The following DENND2B variants were observed in gnomAD, a reference collection of about 807,000 sequenced individuals.
DENND2B encodes the protein DENN domain-containing protein 2B.
In DENND2B, 32 loss-of-function variants were observed where a neutral mutation model predicts 116.0. That is an observed-to-expected ratio of 0.28 (90% CI 0.21 to 0.37). The LOEUF (loss-of-function observed/expected upper bound fraction) is 0.37. DENND2B is among the 10% of genes least tolerant of loss of function. The probability of loss-of-function intolerance (pLI) is 1.00; values close to 1 mark genes in which losing one functional copy is unlikely to be tolerated. For synonymous variants in DENND2B, 588 were observed against 583.9 expected (o/e 1.01, Z -0.10); for missense variants, 1,276 against 1,477.7 (o/e 0.86, Z 2.24).
chr11:8,711,283 G>T, intron 9 of DENND2B, 52 bp from the exon 10 acceptor site: 1 of 1,562,732 alleles, frequency 6.4e-7, no homozygotes, highest in Non-Finnish European at 8.8e-7. Context: ...GGCGGGTGGT[G>T]GTGGCTGAGA....
rs541584002 is a variant in DENND2B, at chr11:8,908,552, A to G, written c.-256+2269T>C. On this transcript the variant is annotated intron_variant, in intron 1 of 22. Coordinates refer to the DENND2B transcript ENST00000534127. ...TGCTAAAACCTTGAAATCCATAAAAAATAAAGAGGACCAAATTCTGTCCCA... is the reference window on the plus strand; with the variant it reads ...TGCTAAAACCTTGAAATCCATAAAAGATAAAGAGGACCAAATTCTGTCCCA... Among the ~76,000 whole-genome samples, 9 of 152,338 alleles carry G rather than the reference A, an allele frequency of 5.9e-5. No homozygotes were observed. In the South Asian group the frequency reaches 1.7e-3, roughly 28 times the overall value.
chr11:8,744,760 G>T (rs2050923012), intron 2 of DENND2B, among the ~76,000 whole-genome samples: 1 of 152,034 alleles, frequency 6.6e-6, no homozygotes, highest in Admixed American at 6.5e-5. Flanking sequence ...TTGAAAAGAA[G>T]CCTATTCAGT....
intron 4 of DENND2B, among the ~76,000 whole-genome samples, chr11:8,721,411 C>T (rs1050795832): frequency 2.0e-5 from 3 of 152,182 alleles, no homozygotes; most frequent in African/African-American, 4.8e-5. Context: ...TGTGTGTATA[C>T]GCACAGGCAC....
rs78563156 is a variant in DENND2B, at chr11:8,730,641, C to G, written c.649G>C (p.Glu217Gln). The G allele has an allele frequency of 4.1e-5, 66 of 1,612,830 alleles. No individual in the cohort carries two copies. Among genetic ancestry groups the G allele is most frequent in the Non-Finnish European group, 5.3e-5 (62 of 1,179,922 alleles). Residue 217 changes from glutamate (E) to glutamine (Q), a missense_variant, in exon 3 of 20, where the codon GAA becomes CAA. Glu to Gln is a conservative substitution (Grantham distance 29). Around this residue, in one of 2 missense-constraint regions of DENND2B, gnomAD observed 856 missense variants for 846.6 expected, o/e 1.01. Coordinates refer to ENST00000313726, the MANE Select transcript of DENND2B (RefSeq NM_213618.2). The surrounding 1 kb of genome is among the most constrained non-coding windows in gnomAD (Gnocchi z 4.1). ...PSVVPSPCSSEKTFDFKGLRR... is the reference protein window; with the variant it reads ...PSVVPSPCSSQKTFDFKGLRR... ...AGGCCCTTGAAATCAAAGGTCTTTT[C>G]AGAGCTGCAGGGGGACGGCACCACG...
chr11:8,821,436 A>AT (rs1470523191), intron 4 of DENND2B, among the ~76,000 whole-genome samples: 3 of 151,602 alleles, frequency 2.0e-5, no homozygotes, highest in Admixed American at 2.0e-4. Flanking sequence ...AAAATAAAAA[A>AT]AAAAAATTAG....
At chr11:8,764,942 C>CAAA (rs35421038) in intron 1 of DENND2B, among the ~76,000 whole-genome samples, 107 of 100,180 alleles carry the variant, frequency 1.1e-3, no homozygotes, top group Middle Eastern at 4.9e-3. Flanking sequence ...GAGACTGTCT[C>CAAA]AAAAAAAAAA....
intron 2 of DENND2B, among the ~76,000 whole-genome samples, chr11:8,870,606 G>A (rs1009452893): frequency 6.6e-6 from 1 of 152,118 alleles, no homozygotes; most frequent in African/African-American, 2.4e-5. Flanking sequence ...CCGCCACCGA[G>A]AGGCAAGGCG....
intron 1 of DENND2B, among the ~76,000 whole-genome samples, chr11:8,795,623 G>C (rs1045092313): frequency 2.3e-4 from 35 of 152,062 alleles, no homozygotes; most frequent in Non-Finnish European, 4.4e-4. Flanking sequence ...TGAGGGACTG[G>C]AATATCATCC....
At chr11:8,884,082 C>A (rs1359575638) in intron 1 of DENND2B, among the ~76,000 whole-genome samples, 1 of 152,184 alleles carries the variant, frequency 6.6e-6, no homozygotes, top group Admixed American at 6.5e-5. Context: ...TCTCTCACAT[C>A]TTCAAAATGC....
chr11:8,751,002 C>CATAGGGT (rs2052332746), intron 1 of DENND2B, among the ~76,000 whole-genome samples: 1 of 152,146 alleles, frequency 6.6e-6, no homozygotes, highest in Non-Finnish European at 1.5e-5. Context: ...AATCAGCACC[C>CATAGGGT]TATGTCTAGC....
chr11:8,905,745 T>C (rs2064227535), intron 1 of DENND2B, among the ~76,000 whole-genome samples: 1 of 151,972 alleles, frequency 6.6e-6, no homozygotes, highest in Non-Finnish European at 1.5e-5. Flanking sequence ...TCAGTCAAAA[T>C]AGCCCCAAAC....
At position 8,805,624 on chromosome 11, in the gene DENND2B, G is replaced by C. The variant is rs565726654; in HGVS notation, c.-26+4893C>G. Reference sequence around the variant, plus strand: ...GAATCGTGCTTGAAATCAGTCTGTTGGACCCTCCTCCTTTTTCCCAGCCTA... The same window carrying C: ...GAATCGTGCTTGAAATCAGTCTGTTCGACCCTCCTCCTTTTTCCCAGCCTA... On this transcript the variant is annotated intron_variant, in intron 1 of 19. Coordinates refer to ENST00000313726, the MANE Select transcript of DENND2B (RefSeq NM_213618.2). 2.0e-5 allele frequency among the ~76,000 whole-genome samples: 3 copies of C among 152,106 alleles called. No individual in the cohort carries two copies. In the South Asian group the frequency reaches 6.2e-4, roughly 32 times the overall value.
At chr11:8,850,985 T>C (rs79131190) in intron 3 of DENND2B, among the ~76,000 whole-genome samples, 4,151 of 152,054 alleles carry the variant, frequency 0.027, 63 homozygotes, top group Middle Eastern at 0.11. Flanking sequence ...GTTGAACTCA[T>C]AGAAACAGAG....
intron 4 of DENND2B, among the ~76,000 whole-genome samples, chr11:8,818,214 G>T (rs1377303591): frequency 6.7e-6 from 1 of 149,096 alleles, no homozygotes; most frequent in Non-Finnish European, 1.5e-5. Flanking sequence ...AGTGAGCTGA[G>T]ATCACACCAC....
chr11:8,776,261 C>T (rs746777453), intron 1 of DENND2B: 9 of 455,924 alleles, frequency 2.0e-5, no homozygotes, highest in South Asian at 1.2e-4. Context: ...TGTTTCTGGG[C>T]TCAAATCACT....
intron 1 of DENND2B, among the ~76,000 whole-genome samples, chr11:8,799,885 G>A (rs1447675184): frequency 6.6e-6 from 1 of 151,034 alleles, no homozygotes; most frequent in African/African-American, 2.4e-5. Flanking sequence ...AGTTCCACGT[G>A]TAGTGTCTAC....
rs1456414954 is a variant in DENND2B, at chr11:8,729,985, C to T, written c.1305G>A (p.Lys435=). Residue 435 remains lysine, a synonymous_variant, in exon 3 of 20, where the codon AAG becomes AAA. Coordinates refer to ENST00000313726, the MANE Select transcript of DENND2B (RefSeq NM_213618.2). ...ACTTGCGGTGACCACGCATGTCCTT[C>T]TTGGGTCTCCGGGTGACTGGCGGGG... ...TPAPPVTRRP[K]KDMRGHRKSQ... 1.2e-6 allele frequency: 2 copies of T among 1,613,980 alleles called. No homozygotes were observed. Among genetic ancestry groups the T allele is most frequent in the African/African-American group, 1.3e-5 (1 of 74,920 alleles).
At chr11:8,728,557 G>C (rs1354625434) in intron 3 of DENND2B, among the ~76,000 whole-genome samples, 1 of 149,766 alleles carries the variant, frequency 6.7e-6, no homozygotes, top group African/African-American at 2.5e-5. Context: ...GCAGTGTGGG[G>C]TGGAATATGT....
At chr11:8,735,090 G>A (rs867016205) in intron 2 of DENND2B, among the ~76,000 whole-genome samples, 2 of 152,070 alleles carry the variant, frequency 1.3e-5, no homozygotes, top group African/African-American at 2.4e-5. Context: ...CTATTGCTCC[G>A]TCACTCGAAT....
Sources: allele counts gnomAD v4.1 joint callset (sites outside exome capture counted in the v4.1 genomes callset), GRCh38; gene constraint gnomAD v4.1.1; regional missense constraint gnomAD v4.1.1; non-coding constraint Gnocchi (gnomAD v3.1); transcripts MANE v1.5; gene names NCBI Gene and HGNC (gene_info 2026-07-23, HGNC 2026-07-21).